The following SPEG variants were observed in gnomAD, a reference collection of about 807,000 sequenced individuals.
The protein encoded by SPEG is striated muscle enriched protein kinase, also known as striated muscle preferentially expressed protein kinase.
In SPEG, 114 loss-of-function variants were observed where a neutral mutation model predicts 300.4. That is an observed-to-expected ratio of 0.38 (90% CI 0.33 to 0.44). The LOEUF is 0.44. Among genes scored for constraint, SPEG ranks in the 20% least tolerant of loss-of-function variants. SPEG has a pLI of 1.00. For synonymous variants in SPEG, 1,964 were observed against 2,018.9 expected, an observed-to-expected ratio of 0.97 and a Z score of 0.73; for missense variants, 4,201 against 4,586.2, an observed-to-expected ratio of 0.92 and a Z score of 2.43.
Position 219,449,163 on chromosome 2 carries a change from A to G in SPEG, c.2005A>G (p.Arg669Gly). ...CAGGGCGGGGCCTGAGGCAGAGAAG[A>G]GGCTTCGCAGAGGGCCGGAGGAGGA... ...KNRAGPEAEK[R>G]LRRGPEEDGP... is the part of the protein sequence containing the mutation. The change falls in exon 4 of 41, where the codon AGG becomes GGG. Residue 669 changes from arginine (R) to glycine (G), a missense_variant. Arg to Gly is a moderately radical substitution (Grantham distance 125). Transcript: ENST00000312358. 1 of 1,407,942 alleles carries G rather than the reference A, an allele frequency of 7.1e-7. No individual in the cohort carries two copies. The highest frequency in any genetic ancestry group is 9.3e-7 in the Non-Finnish European group (1 of 1,080,846). 87.2% of individuals were successfully genotyped at this position (1,407,942 alleles called of 1,614,324 possible).
intron 8 of SPEG, among the ~76,000 whole-genome samples, chr2:219,463,071 G>A (rs535376702): frequency 3.9e-5 from 6 of 152,204 alleles, no homozygotes; most frequent in Admixed American, 6.5e-5. Flanking sequence ...TTAGCTGGAC[G>A]TGGTAGTACA....
intron 8 of SPEG, among the ~76,000 whole-genome samples, chr2:219,463,929 G>A (rs959336305): frequency 6.6e-6 from 1 of 151,904 alleles, no homozygotes; most frequent in African/African-American, 2.4e-5. Flanking sequence ...CAAGACCAGC[G>A]TGGACAACAT....
At chr2:219,491,258 T>C (rs969060590) in intron 38 of SPEG, among the ~76,000 whole-genome samples, 26 of 152,242 alleles carry the variant, frequency 1.7e-4, no homozygotes, top group African/African-American at 6.0e-4. Flanking sequence ...ATTATTATTT[T>C]ATTTAAATAA....
At chr2:219,490,380 C>T (rs1374544622) in intron 36 of SPEG, 29 bp from the exon 37 acceptor site, 1 of 1,598,588 alleles carries the variant, frequency 6.3e-7, no homozygotes, top group Non-Finnish European at 8.5e-7. Flanking sequence ...CTCCTCTGAG[C>T]CGGTGGTGTC....
chr2:219,447,039 G>T (rs1011369176), intron 3 of SPEG, among the ~76,000 whole-genome samples: 25 of 88,650 alleles, frequency 2.8e-4, no homozygotes, highest in African/African-American at 8.7e-4. Flanking sequence ...CCTCCTCCCC[G>T]CAAGGGTCCA....
In SPEG at chr2:219,459,478, AAG is replaced by A. The variant is rs1434854670; in HGVS notation, c.2441-2401_2441-2400del. Among the ~76,000 whole-genome samples, 20 of 152,122 alleles carry A rather than the reference AAG, an allele frequency of 1.3e-4. No homozygotes were observed. ...GGGCAGAGGCTACTGCCTTGTCTGG[AAG>A]AGGCCTGGGCTGCTCTGACAGTCTG... On this transcript the variant is annotated intron_variant, in intron 6 of 40. Transcript: ENST00000312358. The surrounding 1 kb of genome is among the most constrained non-coding windows in gnomAD (Gnocchi z 4.9).
In SPEG at chr2:219,472,251, G is replaced by T. The variant is rs1297717920; in HGVS notation, c.3860G>T (p.Gly1287Val). Residue 1287 changes from glycine to valine, a missense_variant, in exon 15 of 41, where the codon GGC (glycine) becomes GTC (valine). Gly to Val is a moderately radical substitution (Grantham distance 109). Transcript: ENST00000312358. ...VTDVVPGPPD[G>V]APQVVAVTGR... ...GATGTGGTCCCAGGCCCTCCAGATG[G>T]CGCCCCGCAGGTGGTGGCTGTGACG... 6.2e-7 allele frequency: 1 copy of T among 1,613,852 alleles called. No individual in the cohort carries two copies. Among genetic ancestry groups the T allele is most frequent in the Admixed American group, 1.7e-5 (1 of 60,020 alleles).
At position 219,480,686 on chromosome 2, in the gene SPEG, T is replaced by C. The variant is rs1470488877; in HGVS notation, c.5358T>C (p.Val1786=). The C allele has an allele frequency of 6.2e-7, 1 of 1,613,986 alleles. No homozygotes were observed. ...GVTDIWPVGV[V]AFLCLTGISP... is the part of the protein sequence containing the mutation. ...TTTCCCACAGGCCTGTGGGTGTTGT[T>C]GCCTTCCTCTGGTAAGGACCCCTCT... The change falls in exon 26 of 41, where the codon GTT becomes GTC. Residue 1786 remains valine (V), a synonymous_variant. Transcript: ENST00000312358. The surrounding 1 kb of genome is among the most constrained non-coding windows in gnomAD (Gnocchi z 5.3).
intron 40 of SPEG, 40 bp from the exon 41 acceptor site, chr2:219,492,554 G>A (rs757179924): frequency 2.5e-6 from 4 of 1,595,838 alleles, no homozygotes; most frequent in Admixed American, 1.7e-5. Flanking sequence ...AGCTCCCAGA[G>A]CTTCCTTCCA....
In SPEG at chr2:219,434,891, C is replaced by G; in HGVS notation, c.-87C>G. 1.0e-6 allele frequency: 1 copy of G among 952,804 alleles called. No homozygotes were observed. 59.0% of individuals were successfully genotyped at this position (952,804 alleles called of 1,614,324 possible). ...CAGCAGGAAGGCAGGCCGCCGGCCCCCCAGACTTGTCTCCTAGGGCACCGT... is the reference window on the plus strand; with the variant it reads ...CAGCAGGAAGGCAGGCCGCCGGCCCGCCAGACTTGTCTCCTAGGGCACCGT... On this transcript the variant is annotated 5_prime_UTR_variant, in exon 1 of 41. Transcript: ENST00000312358.
rs377623209 is a variant in SPEG at position 219,492,122 on chromosome 2, G to A, written c.9473G>A (p.Arg3158His). 3.7e-5 allele frequency: 60 copies of A among 1,611,870 alleles called. No homozygotes were observed. In the Admixed American group the frequency reaches 5.9e-4, roughly 16 times the overall value. ...GVLTYIMLSG[R>H]SPFYEPDPQE... ...ATCTTCCCCAACAGGCTCAGTGGAC[G>A]CTCCCCGTTCTATGAGCCAGACCCC... Residue 3158 changes from arginine to histidine, a missense_variant, in exon 40 of 41, where the codon CGC becomes CAC. Coordinates refer to ENST00000312358, the MANE Select transcript of SPEG (RefSeq NM_005876.5).
In SPEG at chr2:219,492,763, C is replaced by A. The variant is rs768237231; in HGVS notation, c.9781C>A (p.Arg3261Ser). 1.3e-6 allele frequency: 2 copies of A among 1,598,476 alleles called. No homozygotes were observed. Among genetic ancestry groups the A allele is most frequent in the South Asian group, 2.2e-5 (2 of 90,538 alleles). The change falls in exon 41 of 41, where the codon CGC becomes AGC. Residue 3261 changes from arginine to serine, a missense_variant. Coordinates refer to ENST00000312358, the MANE Select transcript of SPEG (RefSeq NM_005876.5). Reference protein sequence around the residue: ...EAATRHKVLLRSYPGGP With the variant: ...EAATRHKVLLSSYPGGP Reference sequence around the variant, plus strand: ...TGCCACCCGCCACAAGGTGCTGCTGCGCTCCTACCCTGGCGGCCCCTAGAG... The same window carrying A: ...TGCCACCCGCCACAAGGTGCTGCTGAGCTCCTACCCTGGCGGCCCCTAGAG...
rs771483275 is a variant in SPEG at position 219,444,880 on chromosome 2, A to C, written c.534A>C (p.Thr178=). Residue 178 remains threonine (T), a synonymous_variant, in exon 3 of 41, where the codon ACA becomes ACC. Transcript: ENST00000312358. The surrounding 1 kb of genome is among the most constrained non-coding windows in gnomAD (Gnocchi z 7.8). ...TGGACACACCCCCGACCTCCGTGACAGGCACCTCAGAGGAGCAAGTGAGCT... is the reference window on the plus strand; with the variant it reads ...TGGACACACCCCCGACCTCCGTGACCGGCACCTCAGAGGAGCAAGTGAGCT... ...TSLDTPPTSV[T]GTSEEQVSWW... 1 of 1,568,538 alleles carries C rather than the reference A, an allele frequency of 6.4e-7. No individual in the cohort carries two copies. Among genetic ancestry groups the C allele is most frequent in the Admixed American group, 1.8e-5 (1 of 55,970 alleles).
At position 219,449,179 on chromosome 2, in the gene SPEG, C is replaced by A; in HGVS notation, c.2021C>A (p.Pro674Gln). 1.4e-6 allele frequency: 2 copies of A among 1,394,120 alleles called. No homozygotes were observed. Among genetic ancestry groups the A allele is most frequent in the South Asian group, 1.6e-5 (1 of 60,644 alleles). 86.4% of individuals were successfully genotyped at this position (1,394,120 alleles called of 1,614,324 possible). ...PEAEKRLRRG[P>Q]EEDGPWGPWD... The stretch of plus-strand genomic sequence containing the variant: ...GCAGAGAAGAGGCTTCGCAGAGGGC[C>A]GGAGGAGGACGGTCCCTGGGGGCCC... The change falls in exon 4 of 41, where the codon CCG becomes CAG. Residue 674 changes from proline to glutamine, a missense_variant. Coordinates refer to ENST00000312358, the MANE Select transcript of SPEG (RefSeq NM_005876.5).
rs535105065 is a variant in SPEG at position 219,489,728 on chromosome 2, A to G, written c.8710A>G (p.Thr2904Ala). The G allele has an allele frequency of 7.4e-6, 12 of 1,613,838 alleles. No individual in the cohort carries two copies. The East Asian group carries it at 2.5e-4, about 33-fold the overall frequency. ...TTCCTCTACTCCTGTGTATGTGGTG[A>G]CTTCCTTTGTGTCTGCACCACCAGC... ...VSSSTPVYVV[T>A]SFVSAPPAPE... The change falls in exon 36 of 41, where the codon ACT becomes GCT. Residue 2904 changes from threonine to alanine, a missense_variant. Physicochemically the swap from Thr to Ala is moderately conservative, Grantham distance 58. Transcript: ENST00000312358.
Position 219,435,166 on chromosome 2 carries a change from G to A in SPEG, c.189G>A (p.Arg63=). 1 of 1,476,482 alleles carries A rather than the reference G, an allele frequency of 6.8e-7. No individual in the cohort carries two copies. The highest frequency in any genetic ancestry group is 8.9e-7 in the Non-Finnish European group (1 of 1,123,228). 91.5% of individuals were successfully genotyped at this position (1,476,482 alleles called of 1,614,324 possible). A position where few individuals can be genotyped will look rare whatever the true frequency, so the allele number is the denominator to read the frequency against. Residue 63 remains arginine (R), a synonymous_variant, in exon 1 of 41, where the codon CGG becomes CGA. Transcript: ENST00000312358. ...GCGCGGGCAGCGACGTGCGGCTGCGGGTGGTGGTGAGCGGGACGCCCCAGC... is the reference window on the plus strand; with the variant it reads ...GCGCGGGCAGCGACGTGCGGCTGCGAGTGGTGGTGAGCGGGACGCCCCAGC... The part of the protein sequence containing the change: ...AVCAGSDVRL[R]VVVSGTPQPS...
chr2:219,490,977 C>G, intron 38 of SPEG, 21 bp downstream of exon 38: 1 of 1,595,684 alleles, frequency 6.3e-7, no homozygotes, highest in Non-Finnish European at 8.6e-7. Flanking sequence ...CAGCTGCCAG[C>G]CAGGGTGGGG....
Position 219,477,686 on chromosome 2 carries a change from C to A in SPEG, c.4730-3C>A. ...ACCTAACACCATGACATCTCTGCCC[C>A]AGCTCAGACAGCTATGGAGGTCGAG... On this transcript the variant is annotated splice_region_variant and splice_polypyrimidine_tract_variant and intron_variant, in intron 20 of 40. Coordinates refer to ENST00000312358, the MANE Select transcript of SPEG (RefSeq NM_005876.5). This position sits in a 1 kb window ranked among gnomAD's most constrained non-coding sequence, Gnocchi z 6.4. 1 of 1,566,714 alleles carries A rather than the reference C, an allele frequency of 6.4e-7. No individual in the cohort carries two copies. The highest frequency in any genetic ancestry group is 1.4e-5 in the African/African-American group (1 of 73,698).
intron 13 of SPEG, chr2:219,471,666 G>A: frequency 1.6e-6 from 1 of 618,306 alleles, no homozygotes; most frequent in Middle Eastern, 4.4e-4. Flanking sequence ...TGTAGACTTG[G>A]AAGCCAGCCC....
Sources: gnomAD v4.1 joint callset for allele counts (sites outside exome capture counted in the v4.1 genomes callset) on GRCh38, gnomAD v4.1.1 for gene constraint, Gnocchi (gnomAD v3.1) non-coding constraint, MANE v1.5 for transcripts, NCBI Gene and HGNC (gene_info 2026-07-23, HGNC 2026-07-21) for gene names.